The following MSH6 variants were observed in gnomAD, a reference collection of about 807,000 sequenced individuals.
MSH6 encodes DNA mismatch repair protein Msh6.
In MSH6, 85 loss-of-function variants were observed where a neutral mutation model predicts 119.1. The observed-to-expected ratio is 0.71, with a 90% CI of 0.60 to 0.85. The LOEUF (loss-of-function observed/expected upper bound fraction) is 0.85. MSH6 is among the 40% of genes least tolerant of loss of function. MSH6 has a pLI of 0.00. For synonymous variants in MSH6, 830 were observed against 586.9 expected (o/e 1.41, Z -5.99); for missense variants, 2,163 against 1,655.3 (o/e 1.31, Z -5.32).
At chr2:47,792,647 C>T (rs1572711278) in intron 2 of MSH6, among the ~76,000 whole-genome samples, 3 of 152,120 alleles carry the variant, frequency 2.0e-5, no homozygotes, top group South Asian at 4.1e-4. Context: ...AGCCACCATG[C>T]CCCTGGGCTC....
In MSH6 at chr2:47,799,607, C is replaced by T. The variant is rs2104356431; in HGVS notation, c.1624C>T (p.Leu542Phe). 1 of 1,614,110 alleles carries T rather than the reference C, an allele frequency of 6.2e-7. No individual in the cohort carries two copies. Among genetic ancestry groups the T allele is most frequent in the South Asian group, 1.1e-5 (1 of 91,088 alleles). Residue 542 changes from leucine (L) to phenylalanine (F), a missense_variant, in exon 4 of 10, where the codon CTC becomes TTC. Leu to Phe is a conservative substitution (Grantham distance 22). Transcript: ENST00000234420. ...SENYSKYLLS[L>F]KEKEEDSSGH... is the part of the protein sequence containing the mutation. ...GAACTACAGTAAGTATCTTCTTAGC[C>T]TCAAAGAAAAAGAGGAAGATTCTTC...
chr2:47,798,990 C>G lies in MSH6; in HGVS notation c.1007C>G (p.Thr336Ser), dbSNP rs587782102. The G allele has an allele frequency of 2.5e-6, 4 of 1,614,110 alleles. No homozygotes were observed. The highest frequency in any genetic ancestry group is 1.1e-5 in the South Asian group (1 of 91,096). The stretch of plus-strand genomic sequence containing the variant: ...AGCATTTCATCAGAAACCAAGAATA[C>G]TTTGAGAGCTTTCTCTGCCCCTCAA... The part of the protein sequence containing the change: ...ATSISSETKN[T>S]LRAFSAPQNS... The change falls in exon 4 of 10, where the codon ACT (threonine) becomes AGT (serine). Residue 336 changes from threonine (T) to serine (S), a missense_variant. Coordinates refer to ENST00000234420, the MANE Select transcript of MSH6 (RefSeq NM_000179.3).
At chr2:47,784,042 A>G in intron 1 of MSH6, 1 of 1,016,178 alleles carries the variant, frequency 9.8e-7, no homozygotes, top group Non-Finnish European at 1.2e-6. Flanking sequence ...CGAGGTAGAC[A>G]CTTAGAGGTA....
Position 47,783,248 on chromosome 2 carries a change from C to T in MSH6, c.15C>T (p.Ser5=), listed in dbSNP as rs778036049. 2 of 1,611,636 alleles carry T rather than the reference C, an allele frequency of 1.2e-6. No individual in the cohort carries two copies. The highest frequency in any genetic ancestry group is 1.1e-5 in the South Asian group (1 of 90,888). ...CGGCTGTCGGTATGTCGCGACAGAG[C>T]ACCCTGTACAGCTTCTTCCCCAAGT... MSRQ[S]TLYSFFPKSP... The change falls in exon 1 of 10, where the codon AGC becomes AGT. Residue 5 remains serine, a synonymous_variant. Coordinates refer to ENST00000234420, the MANE Select transcript of MSH6 (RefSeq NM_000179.3).
intron 1 of MSH6, among the ~76,000 whole-genome samples, chr2:47,787,124 C>G (rs1668394871): frequency 6.6e-6 from 1 of 152,052 alleles, no homozygotes; most frequent in Non-Finnish European, 1.5e-5. Flanking sequence ...CCCTGTCTCT[C>G]CAAAAAATAA....
chr2:47,795,430 G>GTGTC (rs1669017812), intron 2 of MSH6, among the ~76,000 whole-genome samples: 1 of 149,354 alleles, frequency 6.7e-6, no homozygotes, highest in Non-Finnish European at 1.5e-5. Context: ...TTATGTGTGT[G>GTGTC]TGTGTGTGTG....
chr2:47,806,917 A>G lies in MSH6; in HGVS notation c.*57A>G. The stretch of plus-strand genomic sequence containing the variant: ...CTGACAAAGGTGGTAAATTCAGACA[A>G]CATTATGATCTAATAAACTTTATTT... On this transcript the variant is annotated 3_prime_UTR_variant, in exon 10 of 10. Transcript: ENST00000234420. The G allele has an allele frequency of 1.6e-6, 2 of 1,256,546 alleles. No individual in the cohort carries two copies. The highest frequency in any genetic ancestry group is 2.3e-6 in the Non-Finnish European group (2 of 858,024). 77.8% of individuals were successfully genotyped at this position (1,256,546 alleles called of 1,614,324 possible).
At chr2:47,794,984 G>C (rs1668982015) in intron 2 of MSH6, among the ~76,000 whole-genome samples, 1 of 152,080 alleles carries the variant, frequency 6.6e-6, no homozygotes, top group South Asian at 2.1e-4. Flanking sequence ...TAGTAGAGAT[G>C]GGGTTTCACC....
At chr2:47,803,798 T>C in intron 5 of MSH6, 113 bp downstream of exon 5, 2 of 1,248,070 alleles carry the variant, frequency 1.6e-6, no homozygotes, top group Admixed American at 1.9e-5. Context: ...AGTGACTTAA[T>C]AGGAAGCAAA....
At chr2:47,810,031 ATC>A (rs1157311995), downstream of MSH6, 3 of 492,848 alleles carry the variant, frequency 6.1e-6, no homozygotes, top group Admixed American at 3.8e-5. Context: ...GAGGAATTGA[ATC>A]TATCTGTATT....
rs1184905732 is a variant in MSH6, at chr2:47,806,551, A to G, written c.3901A>G (p.Asn1301Asp). ...AGCTTGTCCTAAAAGCTATGGCTTT[A>G]ATGCAGCAAGGCTTGCTAATCTCCC... ...KGACPKSYGF[N>D]AARLANLPEE... The change falls in exon 9 of 10, where the codon AAT becomes GAT. Residue 1301 changes from asparagine to aspartate, a missense_variant. Physicochemically the swap from Asn to Asp is conservative, Grantham distance 23. Transcript: ENST00000234420. 1 of 1,613,754 alleles carries G rather than the reference A, an allele frequency of 6.2e-7. No individual in the cohort carries two copies. Among genetic ancestry groups the G allele is most frequent in the Non-Finnish European group, 8.5e-7 (1 of 1,179,880 alleles).
At chr2:47,801,961 T>C (rs1669627942) in intron 4 of MSH6, among the ~76,000 whole-genome samples, 1 of 152,176 alleles carries the variant, frequency 6.6e-6, no homozygotes. Flanking sequence ...TTTTTAAATG[T>C]GTTATACTTC....
In MSH6 at chr2:47,799,510, G is replaced by A. The variant is rs878853706; in HGVS notation, c.1527G>A (p.Val509=). The A allele has an allele frequency of 1.2e-6, 2 of 1,614,078 alleles. No individual in the cohort carries two copies. Among genetic ancestry groups the A allele is most frequent in the African/African-American group, 2.7e-5 (2 of 74,938 alleles). Residue 509 remains valine (V), a synonymous_variant, in exon 4 of 10, where the codon GTG becomes GTA. Transcript: ENST00000234420. ...ATATATCCAAGTATGATAGAGTGGTGAGGAGGGAGATCTGTAGGATCATTA... is the reference window on the plus strand; with the variant it reads ...ATATATCCAAGTATGATAGAGTGGTAAGGAGGGAGATCTGTAGGATCATTA... ...MAHISKYDRV[V]RREICRIITK... is the part of the protein sequence containing the mutation.
rs974529562 is a variant in MSH6 at position 47,794,594 on chromosome 2, C to T, written c.458-1300C>T. On this transcript the variant is annotated intron_variant, in intron 2 of 9. Transcript: ENST00000234420. ...GCCCTAAAGTTGTATTTTGATGGAA[C>T]GAACTGTTTTGAGAAATAAATTTTA... Among the ~76,000 whole-genome samples, 5 of 151,788 alleles carry T rather than the reference C, an allele frequency of 3.3e-5. No homozygotes were observed. In the East Asian group the frequency reaches 5.9e-4, roughly 18 times the overall value.
chr2:47,794,376 A>G (rs932593517), intron 2 of MSH6, among the ~76,000 whole-genome samples: 14 of 151,800 alleles, frequency 9.2e-5, no homozygotes, highest in Admixed American at 9.2e-4. Flanking sequence ...GGTTCAAGTG[A>G]TCCTCCTGCC....
chr2:47,788,055 T>C (rs1370354319), intron 1 of MSH6, among the ~76,000 whole-genome samples: 2 of 152,170 alleles, frequency 1.3e-5, no homozygotes, highest in South Asian at 2.1e-4. Flanking sequence ...TTTTTAGTTT[T>C]GTTACACAAT....
Position 47,801,019 on chromosome 2 carries a change from AAAG to A in MSH6, c.3040_3042del (p.Lys1014del), listed in dbSNP as rs267608073. The A allele has an allele frequency of 6.4e-7, 1 of 1,574,324 alleles. No homozygotes were observed. Among genetic ancestry groups the A allele is most frequent in the Non-Finnish European group, 8.6e-7 (1 of 1,161,704 alleles). ...AACGATACTGGACCAAAACTATTGA[AAAG>A]AAGTTGGCTAATCTCATAAATGCTG... On this transcript the variant is annotated inframe_deletion, in exon 4 of 10. Transcript: ENST00000234420.
rs2104306349 is a variant in MSH6 at position 47,798,903 on chromosome 2, A to G, written c.920A>G (p.Asn307Ser). 6.2e-7 allele frequency: 1 copy of G among 1,614,218 alleles called. No homozygotes were observed. The highest frequency in any genetic ancestry group is 8.5e-7 in the Non-Finnish European group (1 of 1,180,038). Reference protein sequence around the residue: ...ARKRKRMVTGNGSLKRKSSRK... With the variant: ...ARKRKRMVTGSGSLKRKSSRK... ...AAGCGGAAGAGAATGGTGACTGGAAATGGCTCTCTTAAAAGGAAAAGCTCT... is the reference window on the plus strand; with the variant it reads ...AAGCGGAAGAGAATGGTGACTGGAAGTGGCTCTCTTAAAAGGAAAAGCTCT... The change falls in exon 4 of 10, where the codon AAT becomes AGT. Residue 307 changes from asparagine to serine, a missense_variant. Asn to Ser is a conservative substitution (Grantham distance 46). Coordinates refer to ENST00000234420, the MANE Select transcript of MSH6 (RefSeq NM_000179.3).
rs587781482 is a variant in MSH6 at position 47,805,661 on chromosome 2, A to G, written c.3600A>G (p.Ile1200Met). 1.3e-5 allele frequency: 21 copies of G among 1,613,594 alleles called. No homozygotes were observed. The highest frequency in any genetic ancestry group is 5.3e-5 in the African/African-American group (4 of 74,830). ...FFVELSETASILMHATAHSLV... is the reference protein window; with the variant it reads ...FFVELSETASMLMHATAHSLV... ...TTGAATTAAGTGAAACTGCCAGCAT[A>G]CTCATGCATGCAACAGCACATTCTC... is the stretch of plus-strand genomic sequence containing the variant. Residue 1200 changes from isoleucine to methionine, a missense_variant, in exon 7 of 10, where the codon ATA (isoleucine) becomes ATG (methionine). Transcript: ENST00000234420.
Sources: gnomAD v4.1 joint callset for allele counts (sites outside exome capture counted in the v4.1 genomes callset) on GRCh38, gnomAD v4.1.1 for gene constraint, MANE v1.5 for transcripts, NCBI Gene and HGNC (gene_info 2026-07-23, HGNC 2026-07-21) for gene names.